VPS33B: variants seen among roughly 807,000 people sequenced by gnomAD.
VPS33B encodes the protein VPS33B late endosome and lysosome associated, also known as vacuolar protein sorting-associated protein 33B.
VPS33B carries 80 observed loss-of-function variants against 95.3 expected under a neutral mutation model. The ratio of observed to expected loss-of-function variants is 0.84; its 90% CI spans 0.70 to 1.01. The LOEUF (loss-of-function observed/expected upper bound fraction) is 1.01, where lower values mean the gene tolerates loss of function less well. Ranked by LOEUF, VPS33B falls within the 50% of genes least tolerant of loss-of-function variation. The pLI is 0.00. For missense variants in VPS33B, 715 were observed against 773.4 expected (o/e 0.92, Z 0.90); for synonymous variants, 280 against 280.4 (o/e 1.00, Z 0.01).
At chr15:91,016,764 T>TA (rs2040940272) in intron 3 of VPS33B, among the ~76,000 whole-genome samples, 199 bp downstream of exon 3, 1 of 152,100 alleles carries the variant, frequency 6.6e-6, no homozygotes, top group African/African-American at 2.4e-5. Context: ...TATTATAAAT[T>TA]AGAGAGGGAA....
Position 91,000,444 on chromosome 15 carries a change from CAG to C in VPS33B, c.1581+44_1581+45del. The C allele has an allele frequency of 6.5e-7, 1 of 1,546,738 alleles. No individual in the cohort carries two copies. The highest frequency in any genetic ancestry group is 8.9e-7 in the Non-Finnish European group (1 of 1,124,852). ...AGACACGCCAGGGACCAAGAGAAAGCAGAGAGAATGAAATATGAATGGGAGCA... is the reference window on the plus strand; with the variant it reads ...AGACACGCCAGGGACCAAGAGAAAGCAGAGAATGAAATATGAATGGGAGCA... On this transcript the variant is annotated intron_variant, in intron 20 of 22. Coordinates refer to ENST00000333371, the MANE Select transcript of VPS33B (RefSeq NM_018668.5). The surrounding 1 kb of genome is among the most constrained non-coding windows in gnomAD (Gnocchi z 4.9).
chr15:91,004,330 G>A (rs768826138), intron 16 of VPS33B, among the ~76,000 whole-genome samples: 48 of 152,160 alleles, frequency 3.2e-4, no homozygotes, highest in Non-Finnish European at 1.2e-4. Context: ...TGCACAATCT[G>A]GAATTTTAGA....
At chr15:90,998,554 C>T (rs1444718843), downstream of VPS33B, 6 of 296,812 alleles carry the variant, frequency 2.0e-5, no homozygotes, top group Admixed American at 4.4e-5. The surrounding 1 kb of genome is among the most constrained non-coding windows in gnomAD (Gnocchi z 4.8). Flanking sequence ...AGGGAAGAAC[C>T]AGACCAGGCC....
chr15:91,001,377 T>A lies in VPS33B; in HGVS notation c.1479+12A>T. ...ACCCACTGTCTCCCCTAACCATCCC[T>A]GTTCCACATACCAAATTCAGCTTTT... is the stretch of plus-strand genomic sequence containing the variant. On this transcript the variant is annotated intron_variant, in intron 19 of 22. Transcript: ENST00000333371. 6.2e-7 allele frequency: 1 copy of A among 1,606,712 alleles called. No individual in the cohort carries two copies. The highest frequency in any genetic ancestry group is 1.1e-5 in the South Asian group (1 of 90,940).
In VPS33B at chr15:91,007,125, C is replaced by T; in HGVS notation, c.604-79G>A. 1 of 1,458,350 alleles carries T rather than the reference C, an allele frequency of 6.9e-7. No individual in the cohort carries two copies. Among genetic ancestry groups the T allele is most frequent in the Non-Finnish European group, 9.5e-7 (1 of 1,051,548 alleles). The allele number at this position is 1,458,350 out of a possible 1,614,324, so 90.3% of individuals were successfully genotyped here. A position where few individuals can be genotyped will look rare whatever the true frequency, so the allele number is the denominator to read the frequency against. ...CATACCTACAGAAGTCAGCCCTTTC[C>T]ACGTGATACTTCCTCTTGTCCCCGA... is the stretch of plus-strand genomic sequence containing the variant. On this transcript the variant is annotated intron_variant, in intron 8 of 22. Coordinates refer to ENST00000333371, the MANE Select transcript of VPS33B (RefSeq NM_018668.5). This position sits in a 1 kb window ranked among gnomAD's most constrained non-coding sequence, Gnocchi z 5.3.
chr15:91,007,805 A>G lies in VPS33B; in HGVS notation c.498+65T>C. On this transcript the variant is annotated intron_variant, in intron 7 of 22. Coordinates refer to ENST00000333371, the MANE Select transcript of VPS33B (RefSeq NM_018668.5). This position sits in a 1 kb window ranked among gnomAD's most constrained non-coding sequence, Gnocchi z 5.3. ...GGACAAAGGTTATATTGGTATTTCT[A>G]GCCCTCTGCATCCCACATTTGTCCC... 6.9e-7 allele frequency: 1 copy of G among 1,450,724 alleles called. No homozygotes were observed. Among genetic ancestry groups the G allele is most frequent in the Non-Finnish European group, 9.7e-7 (1 of 1,032,008 alleles). The allele number at this position is 1,450,724 out of a possible 1,614,324, so 89.9% of individuals were successfully genotyped here. A position where few individuals can be genotyped will look rare whatever the true frequency, so the allele number is the denominator to read the frequency against.
At chr15:91,020,067 A>G (rs886506058) in intron 1 of VPS33B, among the ~76,000 whole-genome samples, 9 of 152,150 alleles carry the variant, frequency 5.9e-5, no homozygotes, top group Admixed American at 5.9e-4. Context: ...GGCCTCCCAA[A>G]GTGCTGGGAT....
At position 91,009,801 on chromosome 15, in the gene VPS33B, C is replaced by G. The variant is rs369726600; in HGVS notation, c.403G>C (p.Asp135His). ...MVLEEEGIYGDVSCDEWAFSL... is the reference protein window; with the variant it reads ...MVLEEEGIYGHVSCDEWAFSL... ...TCCACTCACATTCATCTCCTCTCAC[C>G]TCCATAGATTCCCTCTTCCTCAAGC... is the stretch of plus-strand genomic sequence containing the variant. Residue 135 changes from aspartate (D) to histidine (H), a missense_variant and splice_region_variant, in exon 6 of 23, where the codon GAT (aspartate) becomes CAT (histidine). Transcript: ENST00000333371. The surrounding 1 kb of genome is among the most constrained non-coding windows in gnomAD (Gnocchi z 4.1). 5.0e-6 allele frequency: 8 copies of G among 1,614,144 alleles called. No homozygotes were observed. The highest frequency in any genetic ancestry group is 6.8e-6 in the Non-Finnish European group (8 of 1,180,014).
At chr15:91,001,020 A>G (rs1179336406) in intron 19 of VPS33B, 6 of 350,034 alleles carry the variant, frequency 1.7e-5, no homozygotes, top group Non-Finnish European at 3.3e-5. Flanking sequence ...GTGGATTCAA[A>G]GTACTCCACA....
At chr15:90,998,450 T>G (rs1362410139), downstream of VPS33B, 2 of 163,756 alleles carry the variant, frequency 1.2e-5, no homozygotes, top group East Asian at 3.2e-4. The surrounding 1 kb of genome is among the most constrained non-coding windows in gnomAD (Gnocchi z 4.8). Flanking sequence ...TCACAACATT[T>G]TAGAACTGGA....
In VPS33B at chr15:91,000,869, G is replaced by A; in HGVS notation, c.1480-278C>T. 1 of 452,384 alleles carries A rather than the reference G, an allele frequency of 2.2e-6. No homozygotes were observed. Among genetic ancestry groups the A allele is most frequent in the Non-Finnish European group, 4.1e-6 (1 of 243,874 alleles). The allele number at this position is 452,384 out of a possible 1,614,324, so 28.0% of individuals were successfully genotyped here. A position where few individuals can be genotyped will look rare whatever the true frequency, so the allele number is the denominator to read the frequency against. On this transcript the variant is annotated intron_variant, in intron 19 of 22. Transcript: ENST00000333371. This position sits in a 1 kb window ranked among gnomAD's most constrained non-coding sequence, Gnocchi z 4.9. The stretch of plus-strand genomic sequence containing the variant: ...CTACCCTTAAGTGACACAGGATATG[G>A]TTGTCACTGAAGCAGCACTTAGAAT...
At position 91,015,756 on chromosome 15, in the gene VPS33B, G is replaced by C. The variant is rs1177528566; in HGVS notation, c.239+1207C>G. On this transcript the variant is annotated intron_variant, in intron 3 of 22. Coordinates refer to ENST00000333371, the MANE Select transcript of VPS33B (RefSeq NM_018668.5). The surrounding 1 kb of genome is among the most constrained non-coding windows in gnomAD (Gnocchi z 4.7). ...TGAGGTAGGAGGATCCCTTGAGCCAGGAGCTCAAGGCTGCAGTGAGCTATG... is the reference window on the plus strand; with the variant it reads ...TGAGGTAGGAGGATCCCTTGAGCCACGAGCTCAAGGCTGCAGTGAGCTATG... Among the ~76,000 whole-genome samples the C allele has an allele frequency of 2.0e-5, 3 of 151,806 alleles. No homozygotes were observed. Among genetic ancestry groups the C allele is most frequent in the Non-Finnish European group, 4.4e-5 (3 of 67,962 alleles).
chr15:91,005,503 G>A lies in VPS33B; in HGVS notation c.1031-49C>T, dbSNP rs375480548. Reference sequence around the variant, plus strand: ...GACATACTCCTGGTTCTAGAAAGATGTCCCTTTATTGTCCGGAAGAATAAA... The same window carrying A: ...GACATACTCCTGGTTCTAGAAAGATATCCCTTTATTGTCCGGAAGAATAAA... On this transcript the variant is annotated intron_variant, in intron 13 of 22. Coordinates refer to ENST00000333371, the MANE Select transcript of VPS33B (RefSeq NM_018668.5). This position sits in a 1 kb window ranked among gnomAD's most constrained non-coding sequence, Gnocchi z 6.4. 1.9e-6 allele frequency: 3 copies of A among 1,611,788 alleles called. No individual in the cohort carries two copies. The highest frequency in any genetic ancestry group is 1.3e-5 in the African/African-American group (1 of 74,842).
In VPS33B at chr15:91,005,587, T is replaced by C; in HGVS notation, c.1030+107A>G. On this transcript the variant is annotated intron_variant, in intron 13 of 22. Transcript: ENST00000333371. The surrounding 1 kb of genome is among the most constrained non-coding windows in gnomAD (Gnocchi z 6.4). ...TCCCACTTTACACCAAGTAAGACCA[T>C]ATGCATCAGATGAACAGGGATCTCC... 6 of 1,571,530 alleles carry C rather than the reference T, an allele frequency of 3.8e-6. No individual in the cohort carries two copies. Among genetic ancestry groups the C allele is most frequent in the Non-Finnish European group, 5.3e-6 (6 of 1,141,328 alleles).
rs2040648335 is a variant in VPS33B at position 91,007,533 on chromosome 15, A to C, written c.539T>G (p.Leu180Ter). ...QRWINTVAQA[L>*]HLLSTLYGPF... ...TCCATAGAGAGTGCTGAGAAGGTGT[A>C]AGGCCTGAGCTACAGTGTTGATCCA... The change falls in exon 8 of 23, where the codon TTA becomes TGA. Residue 180 changes from leucine to a stop codon, truncating the protein, a stop_gained. Transcript: ENST00000333371. LOFTEE classifies it high-confidence loss of function. This position sits in a 1 kb window ranked among gnomAD's most constrained non-coding sequence, Gnocchi z 5.3. The C allele has an allele frequency of 3.7e-6, 6 of 1,614,128 alleles. No individual in the cohort carries two copies. Among genetic ancestry groups the C allele is most frequent in the Non-Finnish European group, 5.1e-6 (6 of 1,180,056 alleles).
At chr15:91,019,138 T>TTTG (rs1555460754) in intron 1 of VPS33B, among the ~76,000 whole-genome samples, 4 of 112,098 alleles carry the variant, frequency 3.6e-5, no homozygotes, top group African/African-American at 1.3e-4. Context: ...TTTTTTTTTT[T>TTTG]TAAAGATAGA....
At chr15:91,004,770 C>A in intron 16 of VPS33B, 107 bp downstream of exon 16, 1 of 1,292,930 alleles carries the variant, frequency 7.7e-7, no homozygotes, top group South Asian at 1.2e-5. Flanking sequence ...TACAGGGAAA[C>A]ATTCTGTTTG....
In VPS33B at chr15:91,015,250, C is replaced by T. The variant is rs1204287898; in HGVS notation, c.240-817G>A. On this transcript the variant is annotated intron_variant, in intron 3 of 22. Transcript: ENST00000333371. The surrounding 1 kb of genome is among the most constrained non-coding windows in gnomAD (Gnocchi z 4.7). ...ACGCAGGAGGCTGAGGCAGGAGAAT[C>T]GCTTGAACCCAGGAGGTGGAGGTTA... Among the ~76,000 whole-genome samples, 2 of 152,040 alleles carry T rather than the reference C, an allele frequency of 1.3e-5. No homozygotes were observed. Among genetic ancestry groups the T allele is most frequent in the South Asian group, 2.1e-4 (1 of 4,826 alleles).
rs751791613 is a variant in VPS33B at position 91,006,390 on chromosome 15, T to C, written c.834A>G (p.Leu278=). 3.1e-6 allele frequency: 5 copies of C among 1,614,078 alleles called. No homozygotes were observed. The South Asian group carries it at 5.5e-5, about 18-fold the overall frequency. ...CCCTCACCTTGTCCTCGGCATTGAG[T>C]AGCACCTTCAGGCTCTTGTCAGAGG... ...VTSSDKSLKV[L]LNAEDKVFNE... The change falls in exon 11 of 23, where the codon CTA becomes CTG. Residue 278 remains leucine, a synonymous_variant. Coordinates refer to ENST00000333371, the MANE Select transcript of VPS33B (RefSeq NM_018668.5). This position sits in a 1 kb window ranked among gnomAD's most constrained non-coding sequence, Gnocchi z 5.4.
Sources: allele counts gnomAD v4.1 joint callset (sites outside exome capture counted in the v4.1 genomes callset), GRCh38; gene constraint gnomAD v4.1.1; non-coding constraint Gnocchi (gnomAD v3.1); transcripts MANE v1.5; gene names NCBI Gene and HGNC (gene_info 2026-07-23, HGNC 2026-07-21).